Variants in SLC31A2 observed in about 807,000 individuals in gnomAD.
SLC31A2 encodes protein SLC31A2.
Under a neutral mutation model 14.4 loss-of-function variants are expected in SLC31A2, and 16 were observed. That is an observed-to-expected ratio of 1.11 (90% CI 0.75 to 1.69). The LOEUF (loss-of-function observed/expected upper bound fraction) is 1.69, where lower values mean the gene tolerates loss of function less well. Among genes scored for constraint, SLC31A2 ranks in the 40% most tolerant of loss-of-function variants. SLC31A2 has a pLI of 0.00. For synonymous variants in SLC31A2, 56 were observed against 68.7 expected (o/e 0.82, Z 0.91); for missense variants, 140 against 173.9 (o/e 0.81, Z 1.10).
chr9:113,156,414 C>G (rs1266109571), intron 1 of SLC31A2, among the ~76,000 whole-genome samples: 2 of 152,194 alleles, frequency 1.3e-5, no homozygotes, highest in African/African-American at 4.8e-5. Flanking sequence ...CCTCTCCACC[C>G]TGAGCCCCGT....
In SLC31A2 at chr9:113,161,527, T is replaced by C. The variant is rs1265696076; in HGVS notation, c.92T>C (p.Leu31Ser). 1 of 1,614,022 alleles carries C rather than the reference T, an allele frequency of 6.2e-7. No individual in the cohort carries two copies. The highest frequency in any genetic ancestry group is 1.1e-5 in the South Asian group (1 of 91,078). The change falls in exon 3 of 4, where the codon TTG (leucine) becomes TCG (serine). Residue 31 changes from leucine (L) to serine (S), a missense_variant. Leu to Ser is a moderately radical substitution (Grantham distance 145). Transcript: ENST00000259392. ...HSPAGMALSVLVLLLLAVLYE... is the reference protein window; with the variant it reads ...HSPAGMALSVSVLLLLAVLYE... The stretch of plus-strand genomic sequence containing the variant: ...TTGACAGGCATGGCCCTTTCGGTGT[T>C]GGTGCTCCTGCTTCTGGCTGTACTG...
rs763455123 is a variant in SLC31A2 at position 113,162,927 on chromosome 9, A to G, written c.*10A>G. The G allele has an allele frequency of 6.9e-6, 11 of 1,598,844 alleles. No individual in the cohort carries two copies. In the Admixed American group the frequency reaches 1.4e-4, roughly 20 times the overall value. ...TCTCAGCACAGCTTAGCTGGTGAGG[A>G]ACGTGCAGGCACTGAGGCTGGAGGG... On this transcript the variant is annotated 3_prime_UTR_variant, in exon 4 of 4. Transcript: ENST00000259392.
intron 3 of SLC31A2, 163 bp from the exon 4 acceptor site, chr9:113,162,586 C>T (rs1320718896): frequency 5.2e-5 from 20 of 383,128 alleles, no homozygotes; most frequent in African/African-American, 4.6e-4. Flanking sequence ...TTTCTGGGGG[C>T]GGGGGTGGGA....
In SLC31A2 at chr9:113,163,808, G is replaced by GCAT. The variant is rs1431036706; in HGVS notation, c.*893_*895dup. ...TTTCTTCTATGCAGAACAAAAAGCT[G>GCAT]CATCTAATAATGTTCAATACTTAAT... On this transcript the variant is annotated 3_prime_UTR_variant, in exon 4 of 4. Transcript: ENST00000259392. The GCAT allele has an allele frequency of 6.6e-6, 1 of 152,536 alleles. No homozygotes were observed. The highest frequency in any genetic ancestry group is 1.9e-4 in the East Asian group (1 of 5,190). 9.4% of individuals were successfully genotyped at this position (152,536 alleles called of 1,614,324 possible).
At position 113,151,063 on chromosome 9, in the gene SLC31A2, T is replaced by G; in HGVS notation, c.-12T>G. 7.7e-7 allele frequency: 1 copy of G among 1,307,118 alleles called. No homozygotes were observed. Among genetic ancestry groups the G allele is most frequent in the Non-Finnish European group, 9.8e-7 (1 of 1,020,880 alleles). The allele number at this position is 1,307,118 out of a possible 1,614,324, so 81.0% of individuals were successfully genotyped here. A position where few individuals can be genotyped will look rare whatever the true frequency, so the allele number is the denominator to read the frequency against. ...GCAGACGCGGCCCTGGCGCCCGCCC[T>G]GCGCACTCACCATGGCGGTAAGGGC... On this transcript the variant is annotated 5_prime_UTR_variant, in exon 1 of 4. Transcript: ENST00000259392. The surrounding 1 kb of genome is among the most constrained non-coding windows in gnomAD (Gnocchi z 4.2).
Position 113,163,842 on chromosome 9 carries a change from T to TTTA in SLC31A2, c.*929_*931dup, listed in dbSNP as rs1367332168. On this transcript the variant is annotated 3_prime_UTR_variant, in exon 4 of 4. Transcript: ENST00000259392. ...AATGTTCAATACTTAATATTCTCTA[T>TTTA]TTATTACTTACTGCTTACTCGTAAT... is the stretch of plus-strand genomic sequence containing the variant. 6.6e-6 allele frequency: 1 copy of TTTA among 152,654 alleles called. No homozygotes were observed. The highest frequency in any genetic ancestry group is 6.5e-5 in the Admixed American group (1 of 15,290). The allele number at this position is 152,654 out of a possible 1,614,324, so 9.5% of individuals were successfully genotyped here.
chr9:113,154,023 G>T (rs1829902661), intron 1 of SLC31A2, among the ~76,000 whole-genome samples: 1 of 152,138 alleles, frequency 6.6e-6, no homozygotes, highest in Non-Finnish European at 1.5e-5. Context: ...TCAGGCTGGA[G>T]TGCAGTGGCA....
At chr9:113,156,025 C>A (rs756088448) in intron 1 of SLC31A2, 1 of 518,688 alleles carries the variant, frequency 1.9e-6, no homozygotes, top group Non-Finnish European at 3.8e-6. Flanking sequence ...TTAGGGCTGT[C>A]GTCTGCAAGC....
At position 113,151,049 on chromosome 9, in the gene SLC31A2, C is replaced by T. The variant is rs370110984; in HGVS notation, c.-26C>T. 7.1e-5 allele frequency: 93 copies of T among 1,305,826 alleles called. No homozygotes were observed. Among genetic ancestry groups the T allele is most frequent in the Non-Finnish European group, 8.6e-5 (88 of 1,021,086 alleles). 80.9% of individuals were successfully genotyped at this position (1,305,826 alleles called of 1,614,324 possible). ...GGAGACCCGAGCGAGCAGACGCGGC[C>T]CTGGCGCCCGCCCTGCGCACTCACC... On this transcript the variant is annotated 5_prime_UTR_variant, in exon 1 of 4. Coordinates refer to ENST00000259392, the MANE Select transcript of SLC31A2 (RefSeq NM_001860.3). This position sits in a 1 kb window ranked among gnomAD's most constrained non-coding sequence, Gnocchi z 4.2.
intron 2 of SLC31A2, 152 bp from the exon 3 acceptor site, chr9:113,161,357 T>C (rs1284645940): frequency 1.4e-5 from 10 of 706,638 alleles, no homozygotes; most frequent in Non-Finnish European, 2.4e-5. Flanking sequence ...AAAAGTCTGG[T>C]GAAGACAGTG....
At chr9:113,160,445 A>G (rs1829994767) in intron 2 of SLC31A2, among the ~76,000 whole-genome samples, 1 of 152,182 alleles carries the variant, frequency 6.6e-6, no homozygotes, top group African/African-American at 2.4e-5. Context: ...TAATGATCCA[A>G]TCAGGGTGAC....
intron 1 of SLC31A2, among the ~76,000 whole-genome samples, chr9:113,154,582 T>C (rs1345141540): frequency 1.3e-5 from 2 of 152,248 alleles, no homozygotes; most frequent in Non-Finnish European, 2.9e-5. Context: ...GAATCTGTAC[T>C]TTTAATAAGG....
At chr9:113,161,283 C>A (rs368715389) in intron 2 of SLC31A2, 15 of 542,052 alleles carry the variant, frequency 2.8e-5, no homozygotes, top group African/African-American at 1.7e-4. Context: ...GGCTTCTTCA[C>A]CCTCAGCCCC....
rs1830058738 is a variant in SLC31A2, at chr9:113,163,945, C to T, written c.*1028C>T. 2 of 152,494 alleles carry T rather than the reference C, an allele frequency of 1.3e-5. No individual in the cohort carries two copies. The highest frequency in any genetic ancestry group is 4.1e-4 in the South Asian group (2 of 4,828). The allele number at this position is 152,494 out of a possible 1,614,324, so 9.4% of individuals were successfully genotyped here. A position where few individuals can be genotyped will look rare whatever the true frequency, so the allele number is the denominator to read the frequency against. ...GCAGGTACTGACTGAAGATGCAATCCAACCAAAGCCATTACATTTTTTGAG... is the reference window on the plus strand; with the variant it reads ...GCAGGTACTGACTGAAGATGCAATCTAACCAAAGCCATTACATTTTTTGAG... On this transcript the variant is annotated 3_prime_UTR_variant, in exon 4 of 4. Transcript: ENST00000259392.
intron 3 of SLC31A2, 46 bp from the exon 4 acceptor site, chr9:113,162,703 T>C (rs754121330): frequency 1.3e-6 from 2 of 1,564,942 alleles, no homozygotes; most frequent in Admixed American, 1.8e-5. Context: ...AGCTTCCTCA[T>C]TACCAGCTCA....
In SLC31A2 at chr9:113,162,748, G is replaced by A. The variant is rs1339544117; in HGVS notation, c.264-1G>A. ...TTAACTTGCTTCTCCTTTTTATCTA[G>A]GTGGTATTTGTGTCACTTTGGCCAG... is the stretch of plus-strand genomic sequence containing the variant. On this transcript the variant is annotated splice_acceptor_variant, in intron 3 of 3. Coordinates refer to ENST00000259392, the MANE Select transcript of SLC31A2 (RefSeq NM_001860.3). LOFTEE classifies it high-confidence loss of function. The A allele has an allele frequency of 5.0e-6, 8 of 1,609,806 alleles. No individual in the cohort carries two copies. Among genetic ancestry groups the A allele is most frequent in the African/African-American group, 2.7e-5 (2 of 74,702 alleles).
intron 3 of SLC31A2, chr9:113,161,960 C>T: frequency 1.8e-6 from 1 of 564,748 alleles, no homozygotes. Context: ...CAGGTGCAGG[C>T]CCCTATCTAG....
At chr9:113,159,952 A>C (rs1829986761) in intron 2 of SLC31A2, among the ~76,000 whole-genome samples, 1 of 152,228 alleles carries the variant, frequency 6.6e-6, no homozygotes, top group Non-Finnish European at 1.5e-5. Context: ...AGGCGAGTGG[A>C]TCACCTGAGG....
In SLC31A2 at chr9:113,151,397, C is replaced by G. The variant is rs975965504; in HGVS notation, c.6+317C>G. Reference sequence around the variant, plus strand: ...GACAGCTGGGTCCGGGGCCCCCGGCCCCGGACCTCTGGCCGGCGCCCCAGG... The same window carrying G: ...GACAGCTGGGTCCGGGGCCCCCGGCGCCGGACCTCTGGCCGGCGCCCCAGG... On this transcript the variant is annotated intron_variant, in intron 1 of 3. Transcript: ENST00000259392. The surrounding 1 kb of genome is among the most constrained non-coding windows in gnomAD (Gnocchi z 4.2). Among the ~76,000 whole-genome samples the G allele has an allele frequency of 6.6e-6, 1 of 151,888 alleles. No homozygotes were observed. The highest frequency in any genetic ancestry group is 1.5e-5 in the Non-Finnish European group (1 of 67,962).
Sources: gnomAD v4.1 joint callset for allele counts (sites outside exome capture counted in the v4.1 genomes callset) on GRCh38, gnomAD v4.1.1 for gene constraint, Gnocchi (gnomAD v3.1) non-coding constraint, MANE v1.5 for transcripts, NCBI Gene and HGNC (gene_info 2026-07-23, HGNC 2026-07-21) for gene names.